BMPR1B: variants seen among roughly 807,000 people sequenced by gnomAD.
BMPR1B encodes bone morphogenetic protein receptor type 1B, also known as bone morphogenetic protein receptor type-1B.
In BMPR1B, 12 loss-of-function variants were observed where a neutral mutation model predicts 59.1. The observed-to-expected ratio is 0.20, with a 90% CI of 0.13 to 0.33. The LOEUF is 0.33. Ranked by LOEUF, BMPR1B falls within the 10% of genes least tolerant of loss-of-function variation. BMPR1B has a pLI of 1.00. For synonymous variants in BMPR1B, 237 were observed against 207.3 expected, an observed-to-expected ratio of 1.14 and a Z score of -1.23; for missense variants, 550 against 610.9, an observed-to-expected ratio of 0.90 and a Z score of 1.05.
At chr4:94,935,400 G>A (rs912760802) in intron 2 of BMPR1B, among the ~76,000 whole-genome samples, 1 of 152,148 alleles carries the variant, frequency 6.6e-6, no homozygotes. Flanking sequence ...CCAAATATGT[G>A]TTGTGCACAT....
chr4:94,900,323 G>C (rs1485532965), intron 2 of BMPR1B, among the ~76,000 whole-genome samples: 1 of 139,294 alleles, frequency 7.2e-6, no homozygotes, highest in Non-Finnish European at 1.5e-5. Context: ...TGGAAATAGA[G>C]GATAAAGTGG....
intron 2 of BMPR1B, among the ~76,000 whole-genome samples, chr4:94,990,904 A>C (rs568071038): frequency 6.6e-6 from 1 of 152,156 alleles, no homozygotes; most frequent in East Asian, 1.9e-4. Flanking sequence ...TTCCTGTCTC[A>C]CTTTCCTTGC....
At chr4:94,846,747 C>A (rs1476876773) in intron 1 of BMPR1B, among the ~76,000 whole-genome samples, 1 of 148,618 alleles carries the variant, frequency 6.7e-6, no homozygotes, top group African/African-American at 2.5e-5. Context: ...ATATCCATTC[C>A]ATTAGTTCTG....
intron 2 of BMPR1B, among the ~76,000 whole-genome samples, chr4:94,894,904 T>C (rs1462710674): frequency 6.6e-6 from 1 of 151,994 alleles, no homozygotes; most frequent in Non-Finnish European, 1.5e-5. Context: ...GATCACTATT[T>C]GATTTTTAAA....
intron 2 of BMPR1B, among the ~76,000 whole-genome samples, chr4:94,979,423 T>C (rs1223693317): frequency 3.9e-5 from 6 of 152,210 alleles, no homozygotes; most frequent in African/African-American, 1.4e-4. Context: ...CTATAGTATT[T>C]AGTGAATCAA....
intron 3 of BMPR1B, among the ~76,000 whole-genome samples, chr4:94,997,872 A>G (rs1266261185): frequency 6.6e-6 from 1 of 152,168 alleles, no homozygotes; most frequent in Non-Finnish European, 1.5e-5. Flanking sequence ...TATATTTTGC[A>G]TAAATACTAG....
At chr4:94,822,770 C>G (rs1460777428) in intron 1 of BMPR1B, among the ~76,000 whole-genome samples, 1 of 152,134 alleles carries the variant, frequency 6.6e-6, no homozygotes, top group Non-Finnish European at 1.5e-5. Context: ...ACTTAGGCAT[C>G]TGAGCGATCT....
At position 94,816,578 on chromosome 4, in the gene BMPR1B, T is replaced by C. The variant is rs138644216; in HGVS notation, c.-183+58510T>C. 3.6e-3 allele frequency among the ~76,000 whole-genome samples: 554 copies of C among 152,316 alleles called. 4 individuals are homozygous for C. Among genetic ancestry groups the C allele is most frequent in the African/African-American group, 0.013 (521 of 41,568 alleles). ...ATTAGTATTTCTGCATTATTGACCA[T>C]TCTTCATTTTGCCATCATTTTTCAA... On this transcript the variant is annotated intron_variant, in intron 1 of 12. Transcript: ENST00000515059.
intron 2 of BMPR1B, among the ~76,000 whole-genome samples, chr4:94,922,349 G>C (rs764060295): frequency 6.6e-6 from 1 of 152,030 alleles, no homozygotes; most frequent in Non-Finnish European, 1.5e-5. Context: ...ATGAGAGAGA[G>C]ACTGAGAGAT....
At position 95,104,493 on chromosome 4, in the gene BMPR1B, C is replaced by T. The variant is rs1731060540; in HGVS notation, c.69C>T (p.Pro23=). ...TKKEDGESTA[P]TPRPKVLRCK... ...AAGAGGATGGTGAGAGTACAGCCCC[C>T]ACCCCCCGTCCAAAGGTCTTGCGTT... Residue 23 remains proline (P), a synonymous_variant, in exon 4 of 13, where the codon CCC becomes CCT. Transcript: ENST00000515059. 1.9e-6 allele frequency: 3 copies of T among 1,613,516 alleles called. No homozygotes were observed. Among genetic ancestry groups the T allele is most frequent in the Non-Finnish European group, 2.5e-6 (3 of 1,179,662 alleles).
intron 2 of BMPR1B, among the ~76,000 whole-genome samples, chr4:94,919,087 T>C (rs1728593725): frequency 2.0e-5 from 3 of 152,138 alleles, no homozygotes; most frequent in Admixed American, 2.0e-4. Flanking sequence ...TGATGCATCA[T>C]GTTATTTCTT....
chr4:94,969,423 A>G (rs924248462), intron 2 of BMPR1B, among the ~76,000 whole-genome samples: 3 of 152,174 alleles, frequency 2.0e-5, no homozygotes, highest in Admixed American at 6.5e-5. Context: ...GAAGCCTGCA[A>G]TGGCTGGGCT....
intron 1 of BMPR1B, among the ~76,000 whole-genome samples, chr4:94,819,503 CA>C (rs71583668): frequency 0.28 from 43,275 of 151,998 alleles, 6,821 homozygotes; most frequent in African/African-American, 0.42. Flanking sequence ...GGAATTCAGA[CA>C]CTGTGGCGTA....
chr4:95,063,522 A>G (rs1727564557), intron 3 of BMPR1B, among the ~76,000 whole-genome samples: 1 of 152,178 alleles, frequency 6.6e-6, no homozygotes, highest in South Asian at 2.1e-4. Flanking sequence ...GAGTTAATAC[A>G]TGGTACATTT....
At chr4:94,810,474 T>A (rs895773232) in intron 1 of BMPR1B, among the ~76,000 whole-genome samples, 2 of 152,122 alleles carry the variant, frequency 1.3e-5, no homozygotes, top group African/African-American at 4.8e-5. Context: ...AAAGTGTAAA[T>A]TTGATGTGGG....
chr4:94,860,471 T>C (rs935625749), intron 1 of BMPR1B, among the ~76,000 whole-genome samples: 5 of 152,182 alleles, frequency 3.3e-5, no homozygotes, highest in Admixed American at 2.0e-4. Context: ...GGAAAAGCAG[T>C]TTTTATGTAA....
chr4:94,949,753 G>A (rs186873915), intron 2 of BMPR1B, among the ~76,000 whole-genome samples: 3,304 of 152,236 alleles, frequency 0.022, 64 homozygotes, highest in South Asian at 0.063. Context: ...ATAAACATAC[G>A]TGTGCATGTG....
rs1332411396 is a variant in BMPR1B, at chr4:94,797,950, C to G, written c.-183+39882C>G. ...TAGTAGTTAGTGGATGAGTTTATAA[C>G]ATGGATCCTGGGAAATAGCTTACGG... On this transcript the variant is annotated intron_variant, in intron 1 of 12. Coordinates refer to ENST00000515059, the MANE Select transcript of BMPR1B (RefSeq NM_001203.3). 5.9e-5 allele frequency among the ~76,000 whole-genome samples: 9 copies of G among 152,200 alleles called. 1 individual carries two copies. The highest frequency in any genetic ancestry group is 1.0e-4 in the Non-Finnish European group (7 of 68,042).
At chr4:94,908,290 G>A (rs1482411758) in intron 2 of BMPR1B, among the ~76,000 whole-genome samples, 12 of 151,328 alleles carry the variant, frequency 7.9e-5, no homozygotes, top group Admixed American at 7.9e-4. Context: ...ATTAGTTAGT[G>A]TGTATGTGTC....
Sources: allele counts gnomAD v4.1 joint callset (sites outside exome capture counted in the v4.1 genomes callset), GRCh38; gene constraint gnomAD v4.1.1; transcripts MANE v1.5; gene names NCBI Gene and HGNC (gene_info 2026-07-23, HGNC 2026-07-21).